Variants in ARHGEF28 observed in about 807,000 individuals in gnomAD.
ARHGEF28 encodes Rho guanine nucleotide exchange factor 28.
Under a neutral mutation model 206.6 loss-of-function variants are expected in ARHGEF28, and 152 were observed. That is an observed-to-expected ratio of 0.74 (90% CI 0.64 to 0.84). The LOEUF (loss-of-function observed/expected upper bound fraction) is 0.84, where lower values mean the gene tolerates loss of function less well. ARHGEF28 is among the 40% of genes least tolerant of loss of function. ARHGEF28 has a pLI of 0.00. For missense variants in ARHGEF28, 2,028 were observed against 2,073.2 expected (o/e 0.98, Z 0.42); for synonymous variants, 763 against 776.4 (o/e 0.98, Z 0.29).
intron 11 of ARHGEF28, among the ~76,000 whole-genome samples, chr5:73,846,000 AAAAAAAAAAAG>A (rs1758323249): frequency 6.6e-6 from 1 of 151,306 alleles, no homozygotes; most frequent in African/African-American, 2.4e-5. Flanking sequence ...AAAAAAAAAA[AAAAAAAAAAAG>A]AAAGAAAGAA....
chr5:73,836,946 A>T (rs774696413), intron 10 of ARHGEF28, among the ~76,000 whole-genome samples: 2 of 152,070 alleles, frequency 1.3e-5, no homozygotes, highest in African/African-American at 2.4e-5. Context: ...TTTTTAGCAC[A>T]TTTGTTGAAG....
chr5:73,794,608 CTTTT>C (rs137906752), intron 8 of ARHGEF28, among the ~76,000 whole-genome samples, 154 bp downstream of exon 8: 4 of 132,562 alleles, frequency 3.0e-5, no homozygotes, highest in Non-Finnish European at 3.2e-5. Context: ...CTTTTTCTTT[CTTTT>C]TTTTTTTTTT....
chr5:73,789,022 T>TAATGAAATGAAAGTATGAAAGTAATGA (rs1754314056), intron 7 of ARHGEF28, among the ~76,000 whole-genome samples: 1 of 151,978 alleles, frequency 6.6e-6, no homozygotes, highest in Non-Finnish European at 1.5e-5. Context: ...GGCATATACT[T>TAATGAAATGAAAGTATGAAAGTAATGA]AAGAGTAATG....
At chr5:73,667,619 C>T (rs963403909) in intron 1 of ARHGEF28, among the ~76,000 whole-genome samples, 1 of 152,164 alleles carries the variant, frequency 6.6e-6, no homozygotes, top group Non-Finnish European at 1.5e-5. Flanking sequence ...AGTTGATTGG[C>T]CACACCTTTA....
intron 22 of ARHGEF28, among the ~76,000 whole-genome samples, chr5:73,881,370 A>T (rs995598865): frequency 6.6e-6 from 1 of 152,236 alleles, no homozygotes; most frequent in African/African-American, 2.4e-5. Context: ...CTAAAACTGT[A>T]TATCAGTTTG....
At chr5:73,751,015 G>C (rs970242194) in intron 3 of ARHGEF28, among the ~76,000 whole-genome samples, 1 of 152,214 alleles carries the variant, frequency 6.6e-6, no homozygotes, top group African/African-American at 2.4e-5. Flanking sequence ...CTTGGTCACT[G>C]AATTAATCTG....
intron 1 of ARHGEF28, among the ~76,000 whole-genome samples, chr5:73,665,210 TC>T (rs1187832333): frequency 6.6e-6 from 1 of 152,170 alleles, no homozygotes; most frequent in Admixed American, 6.5e-5. Context: ...TCACATCCCT[TC>T]CCCACTTAAA....
rs1759808724 is a variant in ARHGEF28 at position 73,867,883 on chromosome 5, A to G, written c.2160A>G (p.Ser720=). 1.4e-5 allele frequency: 22 copies of G among 1,613,948 alleles called. No individual in the cohort carries two copies. Among genetic ancestry groups the G allele is most frequent in the Non-Finnish European group, 1.9e-5 (22 of 1,179,864 alleles). ...ATCTGTTCTGATTTCCAGATTCTTCATTTAGAGACATCCCACAGCCTGGTC... is the reference window on the plus strand; with the variant it reads ...ATCTGTTCTGATTTCCAGATTCTTCGTTTAGAGACATCCCACAGCCTGGTC... ...NKPQTILGNS[S]FRDIPQPGLS... The change falls in exon 19 of 36, where the codon TCA becomes TCG. Residue 720 remains serine (S), a synonymous_variant. Transcript: ENST00000513042.
chr5:73,911,576 G>T lies in ARHGEF28; in HGVS notation c.4948+1G>T. On this transcript the variant is annotated splice_donor_variant, in intron 35 of 35. Transcript: ENST00000513042. LOFTEE classifies it high-confidence loss of function. Reference sequence around the variant, plus strand: ...AGCAGCAAGGATTCTTGTAAAAATGGTAATTAACACTTTAAACATCATCTG... The same window carrying T: ...AGCAGCAAGGATTCTTGTAAAAATGTTAATTAACACTTTAAACATCATCTG... The T allele has an allele frequency of 6.3e-7, 1 of 1,589,622 alleles. No individual in the cohort carries two copies. Among genetic ancestry groups the T allele is most frequent in the South Asian group, 1.1e-5 (1 of 87,566 alleles).
intron 2 of ARHGEF28, among the ~76,000 whole-genome samples, chr5:73,730,562 T>C (rs1336120962): frequency 7.4e-6 from 1 of 135,194 alleles, no homozygotes; most frequent in African/African-American, 3.0e-5. Flanking sequence ...TTTGTCAGGG[T>C]TTCATCTGTT....
chr5:73,748,936 G>A (rs546597033), intron 2 of ARHGEF28, among the ~76,000 whole-genome samples: 3 of 152,268 alleles, frequency 2.0e-5, no homozygotes, highest in South Asian at 4.1e-4. Context: ...GGTGCAACAC[G>A]GCTGCTGTAG....
intron 4 of ARHGEF28, among the ~76,000 whole-genome samples, chr5:73,755,309 G>GT (rs1752246542): frequency 7.0e-6 from 1 of 143,592 alleles, no homozygotes; most frequent in South Asian, 2.2e-4. Context: ...ATTGGAAGGT[G>GT]TTTTTTTGGG....
At chr5:73,654,620 A>C (rs1313461325) in intron 1 of ARHGEF28, among the ~76,000 whole-genome samples, 1 of 152,158 alleles carries the variant, frequency 6.6e-6, no homozygotes. Flanking sequence ...GGGGATTAGA[A>C]CTCATTGACC....
chr5:73,630,694 C>G (rs183571985), intron 1 of ARHGEF28, among the ~76,000 whole-genome samples: 1 of 152,208 alleles, frequency 6.6e-6, no homozygotes, highest in East Asian at 1.9e-4. Flanking sequence ...GGTGAATATT[C>G]CTACTGGAAC....
Position 73,887,684 on chromosome 5 carries a change from GTA to G in ARHGEF28, c.3387+9_3387+10del, listed in dbSNP as rs755324837. The G allele has an allele frequency of 1.9e-6, 3 of 1,554,222 alleles. No homozygotes were observed. The highest frequency in any genetic ancestry group is 2.3e-5 in the East Asian group (1 of 42,886). On this transcript the variant is annotated splice_donor_region_variant and intron_variant, in intron 26 of 35. Transcript: ENST00000513042. ...AAATACATCTTTGCAGCCGTTGTAA[GTA>G]TATGACTGTGTGATGTATTTAAAAA...
At chr5:73,643,609 G>A (rs1719941248) in intron 1 of ARHGEF28, among the ~76,000 whole-genome samples, 1 of 152,060 alleles carries the variant, frequency 6.6e-6, no homozygotes, top group Admixed American at 6.6e-5. Flanking sequence ...GAACACAGGA[G>A]TTCGAGACCA....
chr5:73,747,391 T>C (rs1465113970), intron 2 of ARHGEF28, among the ~76,000 whole-genome samples: 2 of 152,216 alleles, frequency 1.3e-5, no homozygotes, highest in Non-Finnish European at 2.9e-5. Flanking sequence ...CCCAAAAAAC[T>C]GCCACCTGTG....
intron 2 of ARHGEF28, among the ~76,000 whole-genome samples, chr5:73,731,011 T>TAAAAA (rs10699304): frequency 0.049 from 6,925 of 142,206 alleles, 187 homozygotes; most frequent in East Asian, 0.087. Flanking sequence ...GCCTTTAAGC[T>TAAAAA]AAAAAAAAAA....
chr5:73,727,651 G>GT (rs1214374931), intron 2 of ARHGEF28, among the ~76,000 whole-genome samples: 5 of 152,176 alleles, frequency 3.3e-5, no homozygotes, highest in African/African-American at 1.2e-4. Flanking sequence ...TAGTAACTCT[G>GT]TTTTTTCTTG....
Sources: allele counts gnomAD v4.1 joint callset (sites outside exome capture counted in the v4.1 genomes callset), GRCh38; gene constraint gnomAD v4.1.1; transcripts MANE v1.5; gene names NCBI Gene and HGNC (gene_info 2026-07-23, HGNC 2026-07-21).